The following THADA variants were observed in gnomAD, a reference collection of about 807,000 sequenced individuals.
The protein encoded by THADA is tRNA (32-2'-O)-methyltransferase regulator THADA.
Under a neutral mutation model 219.8 loss-of-function variants are expected in THADA, and 213 were observed. That is an observed-to-expected ratio of 0.97 (90% CI 0.87 to 1.09). THADA has a LOEUF of 1.09. Ranked by LOEUF, THADA falls within the 50% of genes least tolerant of loss-of-function variation. The pLI is 0.00. For synonymous variants in THADA, 1,018 were observed against 828.9 expected, an observed-to-expected ratio of 1.23 and a Z score of -3.92; for missense variants, 2,956 against 2,311.3, an observed-to-expected ratio of 1.28 and a Z score of -5.72.
chr2:43,335,378 G>T (rs773533890), intron 30 of THADA, among the ~76,000 whole-genome samples: 13 of 152,214 alleles, frequency 8.5e-5, no homozygotes, highest in Admixed American at 2.0e-4. Flanking sequence ...CTGGTGAACT[G>T]TGTGAAAACG....
chr2:43,594,412 T>C (rs1701922438), intron 1 of THADA, among the ~76,000 whole-genome samples: 1 of 151,988 alleles, frequency 6.6e-6, no homozygotes, highest in Admixed American at 6.6e-5. Context: ...AAACCCCGTC[T>C]GCACTAACTA....
At chr2:43,479,737 G>A (rs1045495454) in intron 26 of THADA, among the ~76,000 whole-genome samples, 7 of 151,990 alleles carry the variant, frequency 4.6e-5, no homozygotes, top group African/African-American at 1.2e-4. Context: ...CGACATTCCC[G>A]GTTGACATTA....
rs572416336 is a variant in THADA, at chr2:43,549,301, G to C, written c.3015C>G (p.Asn1005Lys). The change falls in exon 20 of 38, where the codon AAC (asparagine) becomes AAG (lysine). Residue 1005 changes from asparagine (N) to lysine (K), a missense_variant. Transcript: ENST00000405975. Reference protein sequence around the residue: ...IQPRDTNDYFNQAKILKEHDS... With the variant: ...IQPRDTNDYFKQAKILKEHDS... Reference sequence around the variant, plus strand: ...CATGTTCTTTCAATATTTTGGCTTGGTTAAAATAATCATTAGTATCTCGAG... The same window carrying C: ...CATGTTCTTTCAATATTTTGGCTTGCTTAAAATAATCATTAGTATCTCGAG... The C allele has an allele frequency of 2.1e-5, 34 of 1,600,554 alleles. No homozygotes were observed. In the Middle Eastern group the frequency reaches 1.7e-3, roughly 78 times the overall value.
At chr2:43,379,577 G>C (rs895697287) in intron 29 of THADA, among the ~76,000 whole-genome samples, 47 of 152,280 alleles carry the variant, frequency 3.1e-4, no homozygotes, top group African/African-American at 1.1e-3. Context: ...AGAGCAACAG[G>C]AACTCTCATT....
intron 36 of THADA, among the ~76,000 whole-genome samples, chr2:43,246,099 C>G (rs570114723): frequency 1.3e-5 from 2 of 152,186 alleles, no homozygotes; most frequent in South Asian, 4.2e-4. Flanking sequence ...CACCTCCCAG[C>G]CTTATCTAGA....
intron 1 of THADA, among the ~76,000 whole-genome samples, chr2:43,594,099 G>A (rs1701886691): frequency 6.6e-6 from 1 of 152,024 alleles, no homozygotes; most frequent in Admixed American, 6.6e-5. Context: ...GAAGATGACT[G>A]AATATTTTCT....
chr2:43,456,472 C>T (rs1403908148), intron 26 of THADA, among the ~76,000 whole-genome samples: 3 of 151,998 alleles, frequency 2.0e-5, no homozygotes, highest in Non-Finnish European at 2.9e-5. Flanking sequence ...CTAGAACCAG[C>T]CTGACCAGAG....
chr2:43,584,595 A>G (rs1038037071), intron 7 of THADA, among the ~76,000 whole-genome samples: 1 of 152,256 alleles, frequency 6.6e-6, no homozygotes, highest in Non-Finnish European at 1.5e-5. Context: ...AAACGTAAAA[A>G]GATAAATTCT....
intron 29 of THADA, among the ~76,000 whole-genome samples, chr2:43,364,741 A>G (rs1669933160): frequency 6.6e-6 from 1 of 152,230 alleles, no homozygotes; most frequent in African/African-American, 2.4e-5. Context: ...AACAGCACAT[A>G]TCAAGGCCCT....
At chr2:43,378,931 A>G (rs1308277177) in intron 29 of THADA, among the ~76,000 whole-genome samples, 1 of 152,142 alleles carries the variant, frequency 6.6e-6, no homozygotes, top group Non-Finnish European at 1.5e-5. Context: ...GTGCTGAAGG[A>G]AGTAAGTGTC....
chr2:43,279,390 G>A (rs182752258), intron 36 of THADA, among the ~76,000 whole-genome samples: 4 of 152,294 alleles, frequency 2.6e-5, no homozygotes, highest in Admixed American at 2.6e-4. Flanking sequence ...CCTGAGTTAT[G>A]GAACCACACA....
chr2:43,545,429 G>C (rs1403621729), intron 20 of THADA, among the ~76,000 whole-genome samples: 1 of 151,538 alleles, frequency 6.6e-6, no homozygotes, highest in African/African-American at 2.4e-5. Context: ...CTATTGATTG[G>C]AATAGTTTCA....
At chr2:43,566,879 A>C in intron 14 of THADA, 58 bp from the exon 15 acceptor site, 1 of 1,269,396 alleles carries the variant, frequency 7.9e-7, no homozygotes, top group Admixed American at 3.4e-5. Flanking sequence ...GGTTATATTC[A>C]GAGTATTAAA....
At chr2:43,482,529 A>G (rs1686353397) in intron 26 of THADA, among the ~76,000 whole-genome samples, 1 of 152,220 alleles carries the variant, frequency 6.6e-6, no homozygotes, top group Non-Finnish European at 1.5e-5. Flanking sequence ...AGAAAACCAA[A>G]GCCCAGAGAG....
At chr2:43,468,272 G>A (rs1357704927) in intron 26 of THADA, among the ~76,000 whole-genome samples, 2 of 152,162 alleles carry the variant, frequency 1.3e-5, no homozygotes, top group Non-Finnish European at 2.9e-5. Flanking sequence ...TTAAAAAGGG[G>A]AAAAATCTGG....
intron 22 of THADA, among the ~76,000 whole-genome samples, chr2:43,522,312 A>T (rs1158748842): frequency 6.6e-6 from 1 of 152,204 alleles, no homozygotes; most frequent in East Asian, 1.9e-4. Context: ...CACCACTATC[A>T]TACATTATTG....
At position 43,549,334 on chromosome 2, in the gene THADA, C is replaced by A. The variant is rs770719789; in HGVS notation, c.2982G>T (p.Glu994Asp). 1.2e-6 allele frequency: 2 copies of A among 1,603,962 alleles called. No individual in the cohort carries two copies. Among genetic ancestry groups the A allele is most frequent in the Non-Finnish European group, 1.7e-6 (2 of 1,175,446 alleles). ...SASRLQMILN[E>D]IQPRDTNDYF... ...AATCATTAGTATCTCGAGGCTGAAT[C>A]TCATTCAGAATCATCTGTAAGCGGC... The change falls in exon 20 of 38, where the codon GAG becomes GAT. Residue 994 changes from glutamate (E) to aspartate (D), a missense_variant. Coordinates refer to ENST00000405975, the MANE Select transcript of THADA (RefSeq NM_022065.5).
intron 29 of THADA, among the ~76,000 whole-genome samples, chr2:43,355,459 T>C (rs750209685): frequency 6.6e-6 from 1 of 152,214 alleles, no homozygotes; most frequent in Non-Finnish European, 1.5e-5. Flanking sequence ...AGGCTGCCTT[T>C]TCAACTTGTT....
rs1244103874 is a variant in THADA, at chr2:43,551,890, A to G, written c.2846T>C (p.Val949Ala). The change falls in exon 19 of 38, where the codon GTA (valine) becomes GCA (alanine). Residue 949 changes from valine (V) to alanine (A), a missense_variant. Transcript: ENST00000405975. ...GTAGGACATCAAAAGGAGCTTCTCT[A>G]CCACAGGTCTCCACTCGCTCACCAA... ...LQLVSEWRPV[V>A]EKLLLMSYRL... The G allele has an allele frequency of 9.3e-6, 15 of 1,613,788 alleles. No homozygotes were observed. Among genetic ancestry groups the G allele is most frequent in the South Asian group, 7.7e-5 (7 of 91,078 alleles).
Sources: gnomAD v4.1 joint callset for allele counts (sites outside exome capture counted in the v4.1 genomes callset) on GRCh38, gnomAD v4.1.1 for gene constraint, MANE v1.5 for transcripts, NCBI Gene and HGNC (gene_info 2026-07-23, HGNC 2026-07-21) for gene names.